Variants in CDH23 observed in about 807,000 individuals in gnomAD.
CDH23 encodes cadherin-23.
CDH23 carries 189 observed loss-of-function variants against 317.1 expected under a neutral mutation model. The ratio of observed to expected loss-of-function variants is 0.60; its 90% CI spans 0.53 to 0.67. The LOEUF is 0.67. Among genes scored for constraint, CDH23 ranks in the 30% least tolerant of loss-of-function variants. CDH23 has a pLI of 0.00. For synonymous variants in CDH23, 1,839 were observed against 1,876.8 expected (o/e 0.98, Z 0.52); for missense variants, 4,401 against 4,592.4 (o/e 0.96, Z 1.20).
At chr10:71,683,869 T>A (rs1201274460) in intron 18 of CDH23, among the ~76,000 whole-genome samples, 1 of 151,060 alleles carries the variant, frequency 6.6e-6, no homozygotes, top group Non-Finnish European at 1.5e-5. Flanking sequence ...GATCACGAGG[T>A]CAGGAGCTTG....
chr10:71,425,813 GTCACATGTAC>G (rs1849050422), intron 1 of CDH23, among the ~76,000 whole-genome samples: 1 of 152,230 alleles, frequency 6.6e-6, no homozygotes, highest in Admixed American at 6.5e-5. Context: ...TAGATTTGCA[GTCACATGTAC>G]AGAAAGATTT....
intron 26 of CDH23, among the ~76,000 whole-genome samples, chr10:71,708,768 C>G (rs1014945161): frequency 1.3e-5 from 2 of 152,236 alleles, no homozygotes; most frequent in Non-Finnish European, 2.9e-5. Context: ...CAGGGACCCA[C>G]GCATGGAGAA....
intron 1 of CDH23, among the ~76,000 whole-genome samples, chr10:71,414,808 G>A (rs1270659503): frequency 6.6e-6 from 1 of 152,152 alleles, no homozygotes. Context: ...AGAACAATTC[G>A]ATGGAGAAGC....
chr10:71,766,050 G>A (rs919433441), intron 38 of CDH23, among the ~76,000 whole-genome samples: 2 of 152,220 alleles, frequency 1.3e-5, no homozygotes, highest in Non-Finnish European at 2.9e-5. Flanking sequence ...CGCACAGCAC[G>A]CAGAGGGGCC....
chr10:71,406,467 G>A lies in CDH23; in HGVS notation c.-6+9149G>A, dbSNP rs185851188. Among the ~76,000 whole-genome samples, 261 of 152,230 alleles carry A rather than the reference G, an allele frequency of 1.7e-3. 2 individuals are homozygous for A. Among genetic ancestry groups the A allele is most frequent in the African/African-American group, 6.1e-3 (255 of 41,530 alleles). ...CTCCTGTGATATACCCTGGGCCAAG[G>A]GTGTCAGGGTTCCCCCAGGAGGCAT... On this transcript the variant is annotated intron_variant, in intron 1 of 69. Transcript: ENST00000224721.
chr10:71,410,091 C>T (rs1205602112), intron 1 of CDH23, among the ~76,000 whole-genome samples: 1 of 152,210 alleles, frequency 6.6e-6, no homozygotes, highest in African/African-American at 2.4e-5. Flanking sequence ...CATTACTCAT[C>T]TGTGTCTTGT....
chr10:71,678,669 G>T (rs183836688), intron 16 of CDH23, among the ~76,000 whole-genome samples: 69 of 152,312 alleles, frequency 4.5e-4, no homozygotes, highest in African/African-American at 1.6e-3. Flanking sequence ...AGGTGTACCC[G>T]GAGTGGTGGG....
chr10:71,779,936 T>A (rs751405007), intron 41 of CDH23, among the ~76,000 whole-genome samples: 40 of 152,356 alleles, frequency 2.6e-4, no homozygotes, highest in Middle Eastern at 3.4e-3. Context: ...CAAGTCCATT[T>A]TCACTCATTA....
Position 71,740,924 on chromosome 10 carries a change from T to C in CDH23, c.4591T>C (p.Phe1531Leu). ...NDNPPVIESP[F>L]GYNVSVNENV... ...CAACCCTCCAGTCATCGAGAGCCCCTTTGGATACAATGTCAGTGTGAATGA... is the reference window on the plus strand; with the variant it reads ...CAACCCTCCAGTCATCGAGAGCCCCCTTGGATACAATGTCAGTGTGAATGA... The change falls in exon 37 of 70, where the codon TTT becomes CTT. Residue 1531 changes from phenylalanine to leucine, a missense_variant. Physicochemically the swap from Phe to Leu is conservative, Grantham distance 22. Transcript: ENST00000224721. 6.2e-7 allele frequency: 1 copy of C among 1,613,952 alleles called. No individual in the cohort carries two copies. Among genetic ancestry groups the C allele is most frequent in the East Asian group, 2.2e-5 (1 of 44,876 alleles).
chr10:71,713,004 C>A, intron 28 of CDH23, 191 bp downstream of exon 28: 1 of 766,124 alleles, frequency 1.3e-6, no homozygotes, highest in South Asian at 1.5e-5. Context: ...GTGTGGGCCC[C>A]CAGGTTGCAG....
intron 38 of CDH23, among the ~76,000 whole-genome samples, chr10:71,774,051 G>T (rs10999993): frequency 2.7e-4 from 24 of 88,556 alleles, no homozygotes; most frequent in African/African-American, 8.3e-4. Flanking sequence ...ATGCGCGCGC[G>T]CACACACACA....
chr10:71,555,646 G>T (rs563573391), intron 6 of CDH23, among the ~76,000 whole-genome samples: 98 of 152,298 alleles, frequency 6.4e-4, no homozygotes, highest in African/African-American at 2.0e-3. Context: ...GGCACTGGGG[G>T]ATCTCCAAAT....
At chr10:71,554,961 G>A (rs1856798023) in intron 6 of CDH23, among the ~76,000 whole-genome samples, 3 of 152,068 alleles carry the variant, frequency 2.0e-5, no homozygotes, top group Admixed American at 2.0e-4. Context: ...GTTGTTTCTG[G>A]GACTTTCCTA....
At chr10:71,405,581 G>A (rs1290660864) in intron 1 of CDH23, among the ~76,000 whole-genome samples, 2 of 152,104 alleles carry the variant, frequency 1.3e-5, no homozygotes, top group South Asian at 2.1e-4. Context: ...GGGACTACAG[G>A]TGCATGCCAT....
intron 11 of CDH23, among the ~76,000 whole-genome samples, chr10:71,624,323 G>A (rs1184146118): frequency 6.6e-6 from 1 of 152,216 alleles, no homozygotes; most frequent in African/African-American, 2.4e-5. Context: ...GGACGAGAGA[G>A]GCAGCTGGAG....
At chr10:71,811,930 C>T in intron 65 of CDH23, 25 bp from the exon 66 acceptor site, 1 of 1,613,784 alleles carries the variant, frequency 6.2e-7, no homozygotes, top group Non-Finnish European at 8.5e-7. Flanking sequence ...CCCTCCCCTC[C>T]ATGCCCCAAC....
chr10:71,495,782 T>C (rs2132153466), intron 3 of CDH23, among the ~76,000 whole-genome samples: 1 of 146,860 alleles, frequency 6.8e-6, no homozygotes, highest in South Asian at 2.1e-4. Context: ...ATTGTGCCAC[T>C]GCACCAGCCC....
chr10:71,784,186 T>C, intron 41 of CDH23, 101 bp from the exon 42 acceptor site: 2 of 1,340,058 alleles, frequency 1.5e-6, no homozygotes, highest in Non-Finnish European at 2.0e-6. Flanking sequence ...GTCCCCCACC[T>C]GTGACGAGTG....
intron 8 of CDH23, among the ~76,000 whole-genome samples, chr10:71,577,200 C>T (rs551521153): frequency 6.6e-6 from 1 of 152,302 alleles, no homozygotes; most frequent in South Asian, 2.1e-4. Context: ...ATGCCATAGG[C>T]TGTGCTCCCC....
Sources: allele counts gnomAD v4.1 joint callset (sites outside exome capture counted in the v4.1 genomes callset), GRCh38; gene constraint gnomAD v4.1.1; transcripts MANE v1.5; gene names NCBI Gene and HGNC (gene_info 2026-07-23, HGNC 2026-07-21).